Variants in CD300A observed in about 807,000 individuals in gnomAD.
CD300A encodes the protein CMRF35-like molecule 8.
Under a neutral mutation model 33.6 loss-of-function variants are expected in CD300A, and 22 were observed. The ratio of observed to expected loss-of-function variants is 0.66; its 90% CI spans 0.47 to 0.94. CD300A has a LOEUF of 0.94. Among genes scored for constraint, CD300A ranks in the 40% least tolerant of loss-of-function variants. The pLI is 0.00. For synonymous variants in CD300A, 136 were observed against 148.1 expected, an observed-to-expected ratio of 0.92 and a Z score of 0.59; for missense variants, 326 against 360.5, an observed-to-expected ratio of 0.90 and a Z score of 0.77.
Position 74,480,243 on chromosome 17 carries a change from A to G in CD300A, c.629-1046A>G, listed in dbSNP as rs1196461560. Among the ~76,000 whole-genome samples, 2 of 151,852 alleles carry G rather than the reference A, an allele frequency of 1.3e-5. No individual in the cohort carries two copies. The highest frequency in any genetic ancestry group is 1.3e-4 in the Admixed American group (2 of 15,250). Reference sequence around the variant, plus strand: ...ACTATACGTGGTCTTGTGTCTCCCAACCGTGGGCTCCTCCCCTTTAATTCT... The same window carrying G: ...ACTATACGTGGTCTTGTGTCTCCCAGCCGTGGGCTCCTCCCCTTTAATTCT... On this transcript the variant is annotated intron_variant, in intron 4 of 6. Transcript: ENST00000360141. This position sits in a 1 kb window ranked among gnomAD's most constrained non-coding sequence, Gnocchi z 4.2.
At chr17:74,482,699 T>TCCCTTCC (rs1906958165) in intron 6 of CD300A, among the ~76,000 whole-genome samples, 1 of 120,728 alleles carries the variant, frequency 8.3e-6, no homozygotes, top group African/African-American at 3.7e-5. Flanking sequence ...CCTTCCTTCC[T>TCCCTTCC]TTCTTTCTTT....
At chr17:74,482,678 G>C (rs533655531) in intron 6 of CD300A, among the ~76,000 whole-genome samples, 1 of 129,476 alleles carries the variant, frequency 7.7e-6, no homozygotes, top group African/African-American at 4.3e-5. Flanking sequence ...TCCTGGCCAA[G>C]TTCCTTCCTT....
In CD300A at chr17:74,473,615, G is replaced by C; in HGVS notation, c.120G>C (p.Lys40Asn). 8 of 1,614,218 alleles carry C rather than the reference G, an allele frequency of 5.0e-6. No homozygotes were observed. Among genetic ancestry groups the C allele is most frequent in the Non-Finnish European group, 6.8e-6 (8 of 1,180,040 alleles). The stretch of plus-strand genomic sequence containing the variant: ...TGAGTGTGCAGTGTCCCTATGAGAA[G>C]GAACACAGGACCCTCAACAAATACT... ...GSLSVQCPYE[K>N]EHRTLNKYWC... The change falls in exon 2 of 7, where the codon AAG (lysine) becomes AAC (asparagine). Residue 40 changes from lysine (K) to asparagine (N), a missense_variant. By Grantham distance (94) the Lys-to-Asn change is moderately conservative (BLOSUM62 0). Coordinates refer to ENST00000360141, the MANE Select transcript of CD300A (RefSeq NM_007261.4).
At chr17:74,482,893 A>G (rs913444328) in intron 6 of CD300A, among the ~76,000 whole-genome samples, 1 of 151,538 alleles carries the variant, frequency 6.6e-6, no homozygotes, top group Admixed American at 6.6e-5. Context: ...TATTTTTAGT[A>G]GAGACGGGGC....
In CD300A at chr17:74,466,686, T is replaced by A. The variant is rs1285493072; in HGVS notation, c.-18T>A. On this transcript the variant is annotated 5_prime_UTR_variant, in exon 1 of 7. Transcript: ENST00000360141. ...GCCTGGAGCTGCTGCAAGTGCCGCCTGTGCTGGGGAAGGGACCATGTGGCT... is the reference window on the plus strand; with the variant it reads ...GCCTGGAGCTGCTGCAAGTGCCGCCAGTGCTGGGGAAGGGACCATGTGGCT... The A allele has an allele frequency of 1.5e-5, 24 of 1,591,518 alleles. No individual in the cohort carries two copies. The highest frequency in any genetic ancestry group is 2.1e-5 in the Non-Finnish European group (24 of 1,168,556).
At chr17:74,481,870 C>A in intron 6 of CD300A, 37 bp downstream of exon 6, 1 of 1,511,148 alleles carries the variant, frequency 6.6e-7, no homozygotes, top group East Asian at 2.3e-5. Flanking sequence ...CATGCGGCCC[C>A]TGGGCTGTGC....
intron 1 of CD300A, among the ~76,000 whole-genome samples, chr17:74,472,073 T>C (rs1255180719): frequency 2.0e-5 from 3 of 151,768 alleles, no homozygotes; most frequent in Non-Finnish European, 2.9e-5. Flanking sequence ...AAACCCTGTC[T>C]CTACTAAAAA....
At chr17:74,467,281 C>T (rs371249133) in intron 1 of CD300A, among the ~76,000 whole-genome samples, 5 of 152,018 alleles carry the variant, frequency 3.3e-5, no homozygotes, top group African/African-American at 9.7e-5. Flanking sequence ...CTCTGGAATG[C>T]GGAGATTTAA....
At chr17:74,467,073 T>A in intron 1 of CD300A, 1 of 1,097,946 alleles carries the variant, frequency 9.1e-7, no homozygotes, top group Non-Finnish European at 1.1e-6. Context: ...TGTGTCAGGG[T>A]GGGTGGAGAG....
chr17:74,470,007 C>A (rs980529807), intron 1 of CD300A: 9 of 985,200 alleles, frequency 9.1e-6, no homozygotes, highest in Non-Finnish European at 1.1e-5. Flanking sequence ...CCTCTTCTGA[C>A]CTCTTGAGTT....
Position 74,473,856 on chromosome 17 carries a change from G to T in CD300A, c.361G>T (p.Glu121Ter), listed in dbSNP as rs774015911. 4.3e-6 allele frequency: 7 copies of T among 1,611,078 alleles called. No individual in the cohort carries two copies. In the South Asian group the frequency reaches 7.7e-5, roughly 18 times the overall value. ...CTTTCATGATCCCGTTGTCGAGGTTGAGGTGTCCGTGTTCCCGGGTGAGCC... is the reference window on the plus strand; with the variant it reads ...CTTTCATGATCCCGTTGTCGAGGTTTAGGTGTCCGTGTTCCCGGGTGAGCC... ...RDFHDPVVEV[E>*]VSVFPASTSM... is the part of the protein sequence containing the mutation. The change falls in exon 2 of 7, where the codon GAG becomes TAG. Residue 121 changes from glutamate to a stop codon, truncating the protein, a stop_gained. Transcript: ENST00000360141. LOFTEE classifies it high-confidence loss of function.
chr17:74,469,596 G>A (rs9895194), intron 1 of CD300A, among the ~76,000 whole-genome samples: 84,711 of 152,090 alleles, frequency 0.56, 25,774 homozygotes, highest in African/African-American at 0.8. Flanking sequence ...AGGCCAAGGC[G>A]GGTGGATCAC....
At chr17:74,477,321 G>C (rs1906531748) in intron 3 of CD300A, 115 bp from the exon 4 acceptor site, 4 of 675,142 alleles carry the variant, frequency 5.9e-6, no homozygotes, top group Admixed American at 2.7e-5. Flanking sequence ...CTGCACTCCA[G>C]CCTGGGTAAC....
At chr17:74,470,047 A>G (rs1905991568) in intron 1 of CD300A, 1 of 985,218 alleles carries the variant, frequency 1.0e-6, no homozygotes, top group Non-Finnish European at 1.2e-6. Flanking sequence ...CTGAGAGTTA[A>G]TGGGTCAAGA....
At chr17:74,468,625 A>G (rs930135701) in intron 1 of CD300A, among the ~76,000 whole-genome samples, 1 of 151,758 alleles carries the variant, frequency 6.6e-6, no homozygotes, top group African/African-American at 2.4e-5. Context: ...GAACCACCAC[A>G]CCTGGCCCCT....
intron 3 of CD300A, among the ~76,000 whole-genome samples, chr17:74,475,555 A>G (rs1407403744): frequency 1.3e-5 from 2 of 152,234 alleles, no homozygotes; most frequent in Non-Finnish European, 2.9e-5. Context: ...AACCCCACAT[A>G]GAATCTGACA....
In CD300A at chr17:74,473,702, A is replaced by G; in HGVS notation, c.207A>G (p.Gly69=). The G allele has an allele frequency of 1.2e-6, 2 of 1,614,254 alleles. No individual in the cohort carries two copies. The highest frequency in any genetic ancestry group is 1.7e-6 in the Non-Finnish European group (2 of 1,180,048). Residue 69 remains glycine (G), a synonymous_variant, in exon 2 of 7, where the codon GGA becomes GGG. Transcript: ENST00000360141. ...TTGTGGAGACCAAAGGGTCAGCAGG[A>G]AAAAGGAACGGCCGAGTGTCCATCA... is the stretch of plus-strand genomic sequence containing the variant. ...DKIVETKGSA[G]KRNGRVSIRD... is the part of the protein sequence containing the mutation.
intron 3 of CD300A, among the ~76,000 whole-genome samples, 168 bp downstream of exon 3, chr17:74,474,853 C>G (rs890338808): frequency 7.1e-6 from 1 of 140,510 alleles, no homozygotes; most frequent in African/African-American, 2.7e-5. Context: ...CTGCCCTTGG[C>G]TTTGGAAGGG....
intron 1 of CD300A, among the ~76,000 whole-genome samples, chr17:74,470,633 G>T (rs915659337): frequency 6.6e-6 from 1 of 150,816 alleles, no homozygotes; most frequent in Admixed American, 6.7e-5. Flanking sequence ...GGTGAAGGAG[G>T]GCTGGGAACT....
Sources: allele counts gnomAD v4.1 joint callset (sites outside exome capture counted in the v4.1 genomes callset), GRCh38; gene constraint gnomAD v4.1.1; non-coding constraint Gnocchi (gnomAD v3.1); transcripts MANE v1.5; gene names NCBI Gene and HGNC (gene_info 2026-07-23, HGNC 2026-07-21).